Variants in ANKFY1 observed in about 807,000 individuals in gnomAD.
ANKFY1 encodes the protein ankyrin repeat and FYVE domain-containing protein 1.
ANKFY1 carries 47 observed loss-of-function variants against 128.3 expected under a neutral mutation model. The observed-to-expected ratio is 0.37, with a 90% CI of 0.29 to 0.47. The LOEUF (loss-of-function observed/expected upper bound fraction) is 0.47, where lower values mean the gene tolerates loss of function less well. ANKFY1 is among the 20% of genes least tolerant of loss of function. The pLI is 1.00. For missense variants in ANKFY1, 1,222 were observed against 1,510.6 expected (o/e 0.81, Z 3.17); for synonymous variants, 553 against 601.6 (o/e 0.92, Z 1.18).
intron 3 of ANKFY1, chr17:4,223,809 G>C (rs2060370976): frequency 7.0e-7 from 1 of 1,435,180 alleles, no homozygotes. Flanking sequence ...GTTTCATGCA[G>C]GCCTGGGGGC....
At chr17:4,251,944 G>A (rs1444807209) in intron 1 of ANKFY1, among the ~76,000 whole-genome samples, 2 of 151,058 alleles carry the variant, frequency 1.3e-5, no homozygotes, top group African/African-American at 2.4e-5. Flanking sequence ...TGAGGCAGGG[G>A]AATCACTTGA....
intron 10 of ANKFY1, 47 bp from the exon 11 acceptor site, chr17:4,189,526 C>T (rs1484111135): frequency 1.0e-5 from 15 of 1,480,318 alleles, no homozygotes; most frequent in African/African-American, 9.7e-5. Flanking sequence ...CATCAAAATG[C>T]GGTCACGCTG....
At chr17:4,212,968 G>C (rs113036058) in intron 4 of ANKFY1, among the ~76,000 whole-genome samples, 2,955 of 151,708 alleles carry the variant, frequency 0.019, 101 homozygotes, top group African/African-American at 0.068. Flanking sequence ...GTAGAGACGG[G>C]GTTTCCCCAT....
At chr17:4,197,262 C>T (rs2059842662) in intron 8 of ANKFY1, 111 bp downstream of exon 8, 6 of 1,143,538 alleles carry the variant, frequency 5.2e-6, no homozygotes, top group Non-Finnish European at 7.7e-6. Context: ...GAAAATAAGA[C>T]TGAATAATGC....
rs752337542 is a variant in ANKFY1, at chr17:4,189,472, A to G, written c.1380T>C (p.Cys460=). ...TDAPDTATGN[C]LLQRAAGAGN... is the part of the protein sequence containing the mutation. ...CTGCTCCAGCTGCCCGCTGTAGTAA[A>G]CAGTTTCCTAAAAGAAAATGGGCAT... Residue 460 remains cysteine (C), a synonymous_variant, in exon 11 of 25, where the codon TGT becomes TGC. Coordinates refer to ENST00000341657, the MANE Select transcript of ANKFY1 (RefSeq NM_001330063.2). 2 of 1,580,510 alleles carry G rather than the reference A, an allele frequency of 1.3e-6. No homozygotes were observed. The highest frequency in any genetic ancestry group is 1.1e-5 in the South Asian group (1 of 87,080).
Position 4,206,558 on chromosome 17 carries a change from G to T in ANKFY1, c.733-72C>A. 2.1e-6 allele frequency: 3 copies of T among 1,397,882 alleles called. No individual in the cohort carries two copies. The South Asian group carries it at 3.8e-5, about 17-fold the overall frequency. 86.6% of individuals were successfully genotyped at this position (1,397,882 alleles called of 1,614,324 possible). ...GACCTATTTTAATTTCTCCCACCTTGACCCTTAAATATCATCTCTTATACA... is the reference window on the plus strand; with the variant it reads ...GACCTATTTTAATTTCTCCCACCTTTACCCTTAAATATCATCTCTTATACA... On this transcript the variant is annotated intron_variant, in intron 6 of 24. Transcript: ENST00000341657.
At chr17:4,238,152 TAAA>T (rs55944256) in intron 2 of ANKFY1, among the ~76,000 whole-genome samples, 5 of 92,682 alleles carry the variant, frequency 5.4e-5, no homozygotes. Flanking sequence ...CTTATTTATT[TAAA>T]AAAAAAAAAA....
rs2059721058 is a variant in ANKFY1 at position 4,191,698 on chromosome 17, T to C, written c.1373-2219A>G. ...AGTTGATGGTTAATCTGGAGACTCCTAGTTGATGGTTAATCTGGAGACTCC... is the reference window on the plus strand; with the variant it reads ...AGTTGATGGTTAATCTGGAGACTCCCAGTTGATGGTTAATCTGGAGACTCC... On this transcript the variant is annotated intron_variant, in intron 10 of 24. Coordinates refer to ENST00000341657, the MANE Select transcript of ANKFY1 (RefSeq NM_001330063.2). Among the ~76,000 whole-genome samples the C allele has an allele frequency of 2.9e-5, 2 of 69,198 alleles. 1 individual carries two copies. The highest frequency in any genetic ancestry group is 7.5e-5 in the Non-Finnish European group (2 of 26,788). The allele number at this position is 69,198 out of a possible 152,430, so 45.4% of individuals were successfully genotyped here.
At chr17:4,199,424 T>G (rs937115019) in intron 7 of ANKFY1, among the ~76,000 whole-genome samples, 1 of 152,234 alleles carries the variant, frequency 6.6e-6, no homozygotes, top group Non-Finnish European at 1.5e-5. Flanking sequence ...ACCCCTGGGC[T>G]GAAGGGATCC....
chr17:4,263,032 G>A (rs1485774895), intron 1 of ANKFY1, among the ~76,000 whole-genome samples: 1 of 152,114 alleles, frequency 6.6e-6, no homozygotes, highest in African/African-American at 2.4e-5. Context: ...AAGGAATACT[G>A]TTCTCCAATA....
chr17:4,253,962 A>G (rs909697296), intron 1 of ANKFY1, among the ~76,000 whole-genome samples: 1 of 152,318 alleles, frequency 6.6e-6, no homozygotes, highest in East Asian at 1.9e-4. Flanking sequence ...GTGTCTCTGC[A>G]TTGACCAAAA....
intron 3 of ANKFY1, chr17:4,223,663 C>T (rs1206535118): frequency 1.6e-5 from 26 of 1,599,708 alleles, no homozygotes; most frequent in East Asian, 2.2e-5. Context: ...TCGAGATGGC[C>T]GCATACCTGA....
intron 2 of ANKFY1, among the ~76,000 whole-genome samples, chr17:4,240,309 G>A (rs899844945): frequency 3.3e-5 from 5 of 149,254 alleles, no homozygotes; most frequent in Admixed American, 6.7e-5. Flanking sequence ...CAGGTGACCC[G>A]CCCGCCTTGG....
chr17:4,199,104 G>A (rs572126384), intron 7 of ANKFY1, among the ~76,000 whole-genome samples: 7 of 152,334 alleles, frequency 4.6e-5, no homozygotes, highest in African/African-American at 1.4e-4. Context: ...AGACTGCAGT[G>A]GGCTATGACT....
intron 1 of ANKFY1, among the ~76,000 whole-genome samples, chr17:4,244,946 A>G (rs1967457571): frequency 6.6e-6 from 1 of 151,768 alleles, no homozygotes; most frequent in African/African-American, 2.4e-5. Context: ...TCTAGCTACC[A>G]TACACCACTG....
At chr17:4,194,218 C>T (rs1339144352) in intron 10 of ANKFY1, among the ~76,000 whole-genome samples, 2 of 149,488 alleles carry the variant, frequency 1.3e-5, no homozygotes, top group African/African-American at 4.9e-5. Flanking sequence ...AAGCGATTCT[C>T]CGGCCTTTCC....
intron 19 of ANKFY1, among the ~76,000 whole-genome samples, chr17:4,175,753 G>A (rs2143001547): frequency 6.6e-6 from 1 of 152,320 alleles, no homozygotes; most frequent in Admixed American, 6.5e-5. Context: ...GGTCCCTGGT[G>A]CTGTGTTAGG....
At chr17:4,179,564 A>G (rs2059471859) in intron 17 of ANKFY1, 157 bp downstream of exon 17, 2 of 947,948 alleles carry the variant, frequency 2.1e-6, no homozygotes, top group East Asian at 4.9e-5. Flanking sequence ...ACAGAGAAGC[A>G]CAGTCAGCCT....
chr17:4,205,696 C>T (rs1198370523), intron 7 of ANKFY1, among the ~76,000 whole-genome samples: 1 of 150,736 alleles, frequency 6.6e-6, no homozygotes, highest in Non-Finnish European at 1.5e-5. Flanking sequence ...GAGCCAAGAT[C>T]GCACCACTGC....
Sources: gnomAD v4.1 joint callset for allele counts (sites outside exome capture counted in the v4.1 genomes callset) on GRCh38, gnomAD v4.1.1 for gene constraint, MANE v1.5 for transcripts, NCBI Gene and HGNC (gene_info 2026-07-23, HGNC 2026-07-21) for gene names.